Variants in SZT2 observed in about 807,000 individuals in gnomAD.
SZT2 encodes KICSTOR complex protein SZT2.
Under a neutral mutation model 404.2 loss-of-function variants are expected in SZT2, and 216 were observed. That is an observed-to-expected ratio of 0.53 (90% confidence interval 0.48 to 0.60). SZT2 has a LOEUF of 0.60. Ranked by LOEUF, SZT2 falls within the 20% of genes least tolerant of loss-of-function variation. SZT2 has a pLI of 0.00. For missense variants in SZT2, 3,857 were observed against 4,459.2 expected, an observed-to-expected ratio of 0.86 and a Z score of 3.85; for synonymous variants, 1,693 against 1,749.9, an observed-to-expected ratio of 0.97 and a Z score of 0.81.
intron 1 of SZT2, among the ~76,000 whole-genome samples, chr1:43,399,305 A>G (rs985303067): frequency 6.6e-6 from 1 of 152,016 alleles, no homozygotes; most frequent in Admixed American, 6.6e-5. Context: ...CGTGAAAGAT[A>G]GTGGTGGTTT....
intron 1 of SZT2, among the ~76,000 whole-genome samples, chr1:43,400,375 A>G (rs1649538032): frequency 6.6e-6 from 1 of 152,100 alleles, no homozygotes; most frequent in South Asian, 2.1e-4. Flanking sequence ...GCTCCTTTTC[A>G]TGACTTAAAA....
chr1:43,415,856 G>A (rs1369741283), intron 5 of SZT2, 104 bp from the exon 6 acceptor site: 12 of 1,344,072 alleles, frequency 8.9e-6, no homozygotes, highest in East Asian at 2.5e-5. Flanking sequence ...CACAGGATTC[G>A]GCCTGTCTGG....
At chr1:43,423,421 G>A (rs937924565) in intron 15 of SZT2, 105 bp downstream of exon 15, 1 of 1,178,312 alleles carries the variant, frequency 8.5e-7, no homozygotes, top group Admixed American at 2.9e-5. Flanking sequence ...GGTGTGGAGT[G>A]CGTGGCTTAG....
At chr1:43,433,312 C>A in intron 40 of SZT2, 122 bp downstream of exon 40, 1 of 1,010,758 alleles carries the variant, frequency 9.9e-7, no homozygotes, top group Non-Finnish European at 1.4e-6. Flanking sequence ...GGTAGAGATC[C>A]AACTTGTATT....
intron 1 of SZT2, among the ~76,000 whole-genome samples, chr1:43,395,190 C>G (rs990995401): frequency 1.3e-5 from 2 of 152,180 alleles, no homozygotes; most frequent in African/African-American, 2.4e-5. Context: ...TCTCGTTTAC[C>G]CCCATTCTCT....
At chr1:43,395,415 T>G (rs77398040) in intron 1 of SZT2, among the ~76,000 whole-genome samples, 2,522 of 152,208 alleles carry the variant, frequency 0.017, 40 homozygotes, top group Non-Finnish European at 0.022. Flanking sequence ...CCTCCCACCT[T>G]AGTCTCCTGA....
At chr1:43,404,854 TCTC>T (rs894212282) in intron 4 of SZT2, 7 of 256,952 alleles carry the variant, frequency 2.7e-5, no homozygotes, top group Non-Finnish European at 5.2e-5. Flanking sequence ...ATTCCCCTCT[TCTC>T]CTTTAGTTCT....
chr1:43,422,232 G>T lies in SZT2; in HGVS notation c.1769+7G>T, dbSNP rs964906729. On this transcript the variant is annotated splice_region_variant and intron_variant, in intron 12 of 71. Coordinates refer to ENST00000634258, the MANE Select transcript of SZT2 (RefSeq NM_001365999.1). ...TAATCCTGGAGCATGACACGTGGGT[G>T]CCCTTAGGGCTGGGCCATAGTTGGG... 1.3e-6 allele frequency: 2 copies of T among 1,572,658 alleles called. No individual in the cohort carries two copies. The highest frequency in any genetic ancestry group is 4.5e-5 in the East Asian group (2 of 44,208).
rs776744071 is a variant in SZT2, at chr1:43,426,097, G to A, written c.2989G>A (p.Gly997Arg). The A allele has an allele frequency of 1.2e-6, 2 of 1,614,024 alleles. No individual in the cohort carries two copies. The highest frequency in any genetic ancestry group is 2.7e-5 in the African/African-American group (2 of 74,914). ...GATCCCTTTCCATTTTGACCTAATGGGATTGCTGCCACAGTGCCAGCAGCT... is the reference window on the plus strand; with the variant it reads ...GATCCCTTTCCATTTTGACCTAATGAGATTGCTGCCACAGTGCCAGCAGCT... ...HEIPFHFDLM[G>R]LLPQCQQLQM... Residue 997 changes from glycine (G) to arginine (R), a missense_variant, in exon 21 of 72, where the codon GGA (glycine) becomes AGA (arginine). Coordinates refer to ENST00000634258, the MANE Select transcript of SZT2 (RefSeq NM_001365999.1). This position sits in a 1 kb window ranked among gnomAD's most constrained non-coding sequence, Gnocchi z 4.9.
chr1:43,451,965 G>A lies in SZT2; in HGVS notation c.*1485G>A. 3 of 1,612,166 alleles carry A rather than the reference G, an allele frequency of 1.9e-6. No individual in the cohort carries two copies. The highest frequency in any genetic ancestry group is 3.3e-5 in the Admixed American group (2 of 59,956). ...TGGGGCGTGTCCAGGAAGTACTGGGGGTCAGTGATGCGGGTGTTGATGGGC... is the reference window on the plus strand; with the variant it reads ...TGGGGCGTGTCCAGGAAGTACTGGGAGTCAGTGATGCGGGTGTTGATGGGC... On this transcript the variant is annotated 3_prime_UTR_variant, in exon 72 of 72. Coordinates refer to ENST00000634258, the MANE Select transcript of SZT2 (RefSeq NM_001365999.1).
In SZT2 at chr1:43,431,453, C is replaced by G. The variant is rs1484864025; in HGVS notation, c.5025-7C>G. 6.2e-7 allele frequency: 1 copy of G among 1,614,016 alleles called. No individual in the cohort carries two copies. The highest frequency in any genetic ancestry group is 8.5e-7 in the Non-Finnish European group (1 of 1,180,030). On this transcript the variant is annotated splice_region_variant and splice_polypyrimidine_tract_variant and intron_variant, in intron 34 of 71. Transcript: ENST00000634258. ...GAAACCAATATCTAAACCTTTCTTC[C>G]AATTAGGCACCCAGGACTATCCAAT...
In SZT2 at chr1:43,453,334, C is replaced by G; in HGVS notation, c.*2854C>G. Reference sequence around the variant, plus strand: ...GATCTGGCGTCCTCGACTCCCTGAACCTGCATCAGGGTCATGGGTCACAGG... The same window carrying G: ...GATCTGGCGTCCTCGACTCCCTGAAGCTGCATCAGGGTCATGGGTCACAGG... On this transcript the variant is annotated 3_prime_UTR_variant, in exon 72 of 72. Coordinates refer to ENST00000634258, the MANE Select transcript of SZT2 (RefSeq NM_001365999.1). 2 of 1,258,268 alleles carry G rather than the reference C, an allele frequency of 1.6e-6. No individual in the cohort carries two copies. The highest frequency in any genetic ancestry group is 2.2e-6 in the Non-Finnish European group (2 of 898,100). 77.9% of individuals were successfully genotyped at this position (1,258,268 alleles called of 1,614,324 possible).
chr1:43,428,057 C>G lies in SZT2; in HGVS notation c.3858C>G (p.Tyr1286Ter). 6.2e-7 allele frequency: 1 copy of G among 1,614,172 alleles called. No homozygotes were observed. Among genetic ancestry groups the G allele is most frequent in the Non-Finnish European group, 8.5e-7 (1 of 1,180,018 alleles). ...CCTCAGCCTGGATGGAACCCCGGTA[C>G]AAGGAGGCAGCTAACCACTGTGCCC... ...SPSSAWMEPR[Y>*]KEAANHCALL... Residue 1286 changes from tyrosine to a stop codon, truncating the protein, a stop_gained, in exon 27 of 72, where the codon TAC becomes TAG. Coordinates refer to ENST00000634258, the MANE Select transcript of SZT2 (RefSeq NM_001365999.1). LOFTEE classifies it high-confidence loss of function.
chr1:43,441,571 C>T lies in SZT2; in HGVS notation c.7579C>T (p.Gln2527Ter). The T allele has an allele frequency of 6.2e-7, 1 of 1,614,120 alleles. No individual in the cohort carries two copies. The highest frequency in any genetic ancestry group is 8.5e-7 in the Non-Finnish European group (1 of 1,180,032). The change falls in exon 54 of 72, where the codon CAG (glutamine) becomes TAG (stop). Residue 2527 changes from glutamine (Q) to a stop codon, truncating the protein, a stop_gained. Coordinates refer to ENST00000634258, the MANE Select transcript of SZT2 (RefSeq NM_001365999.1). LOFTEE classifies it high-confidence loss of function. This position sits in a 1 kb window ranked among gnomAD's most constrained non-coding sequence, Gnocchi z 4.8. ...TLHPVFARVA[Q>*]RWMEFMVQIG... Reference sequence around the variant, plus strand: ...TCATCCTGTGTTTGCCCGTGTTGCTCAGCGCTGGATGGAGTTTATGGTTCA... The same window carrying T: ...TCATCCTGTGTTTGCCCGTGTTGCTTAGCGCTGGATGGAGTTTATGGTTCA...
In SZT2 at chr1:43,441,955, A is replaced by AGTGGTGT; in HGVS notation, c.7743-44_7743-38dup. 6.3e-7 allele frequency: 1 copy of AGTGGTGT among 1,595,564 alleles called. No individual in the cohort carries two copies. Among genetic ancestry groups the AGTGGTGT allele is most frequent in the Non-Finnish European group, 8.6e-7 (1 of 1,168,366 alleles). ...CAGGGAGGTGAAGGCTAGGCCAGGG[A>AGTGGTGT]GTGGTGTCATGGATGGCCTTTCTGT... On this transcript the variant is annotated intron_variant, in intron 55 of 71. Coordinates refer to ENST00000634258, the MANE Select transcript of SZT2 (RefSeq NM_001365999.1). The surrounding 1 kb of genome is among the most constrained non-coding windows in gnomAD (Gnocchi z 4.8).
At position 43,432,504 on chromosome 1, in the gene SZT2, T is replaced by A; in HGVS notation, c.5443-13T>A. 1.1e-5 allele frequency: 17 copies of A among 1,597,224 alleles called. No individual in the cohort carries two copies. Among genetic ancestry groups the A allele is most frequent in the Non-Finnish European group, 1.4e-5 (16 of 1,172,606 alleles). On this transcript the variant is annotated splice_polypyrimidine_tract_variant and intron_variant, in intron 37 of 71. Transcript: ENST00000634258. The stretch of plus-strand genomic sequence containing the variant: ...TGGGGCCTATACCTCAGTCCTGACT[T>A]CCTATTCCTCAGACCCTGACAGCCA...
Position 43,444,520 on chromosome 1 carries a change from T to C in SZT2, c.8825+724T>C, listed in dbSNP as rs148322703. Among the ~76,000 whole-genome samples the C allele has an allele frequency of 1.3e-3, 200 of 151,456 alleles. No individual in the cohort carries two copies. In the East Asian group the frequency reaches 0.026, roughly 20 times the overall value. ...AGTTCTCGGCCCAGGGAAGTCCTTT[T>C]CTCACCAAGGACCTCTGTGCTAGGC... On this transcript the variant is annotated intron_variant, in intron 62 of 71. Transcript: ENST00000634258.
intron 4 of SZT2, chr1:43,405,982 G>T (rs1650259604): frequency 6.5e-6 from 1 of 153,184 alleles, no homozygotes; most frequent in African/African-American, 2.4e-5. Flanking sequence ...GTAGTTGAAT[G>T]TGATAAGGGC....
At chr1:43,393,210 T>G (rs1490835000) in intron 1 of SZT2, among the ~76,000 whole-genome samples, 1 of 152,162 alleles carries the variant, frequency 6.6e-6, no homozygotes, top group African/African-American at 2.4e-5. Context: ...AGTGAAGATC[T>G]TCAGGTGAGA....
Sources: allele counts gnomAD v4.1 joint callset (sites outside exome capture counted in the v4.1 genomes callset), GRCh38; gene constraint gnomAD v4.1.1; non-coding constraint Gnocchi (gnomAD v3.1); transcripts MANE v1.5; gene names NCBI Gene and HGNC (gene_info 2026-07-23, HGNC 2026-07-21).